Variants in FAN1 observed in about 807,000 individuals in gnomAD.
FAN1 encodes the protein FANCD2 and FANCI associated nuclease 1, also known as fanconi-associated nuclease 1.
FAN1 carries 91 observed loss-of-function variants against 104.9 expected under a neutral mutation model. That is an observed-to-expected ratio of 0.87 (90% confidence interval 0.73 to 1.03). FAN1 has a LOEUF of 1.03. Among genes scored for constraint, FAN1 ranks in the 50% least tolerant of loss-of-function variants. The probability of loss-of-function intolerance (pLI) is 0.00; values close to 1 mark genes in which losing one functional copy is unlikely to be tolerated. For synonymous variants in FAN1, 478 were observed against 457.6 expected (o/e 1.04, Z -0.57); for missense variants, 1,263 against 1,239.9 (o/e 1.02, Z -0.28).
chr15:30,940,666 C>T (rs2063015745), intron 14 of FAN1: 2 of 987,028 alleles, frequency 2.0e-6, no homozygotes, highest in African/African-American at 3.5e-5. Context: ...GAGGCCACTC[C>T]CCAGTGGCTT....
At chr15:30,908,086 G>A in intron 2 of FAN1, 32 bp from the exon 3 acceptor site, 2 of 1,573,808 alleles carry the variant, frequency 1.3e-6, no homozygotes, top group South Asian at 1.2e-5. Flanking sequence ...TAAATGCAGT[G>A]ATTTTCAACA....
At chr15:30,914,426 A>G (rs1239615382) in intron 5 of FAN1, among the ~76,000 whole-genome samples, 1 of 152,138 alleles carries the variant, frequency 6.6e-6, no homozygotes, top group Non-Finnish European at 1.5e-5. Context: ...GTGCGGTGGC[A>G]TGATCACCGC....
At chr15:30,927,361 G>A (rs2062490417) in intron 10 of FAN1, 1 of 985,526 alleles carries the variant, frequency 1.0e-6, no homozygotes, top group Admixed American at 6.1e-5. Context: ...AGGAAGAAAA[G>A]TCCTCCTGGA....
intron 8 of FAN1, 144 bp downstream of exon 8, chr15:30,922,498 C>A (rs1566922519): frequency 1.1e-6 from 1 of 886,332 alleles, no homozygotes; most frequent in Non-Finnish European, 1.7e-6. Context: ...TGTGTTCTTC[C>A]AACCCCAAAA....
At chr15:30,930,110 A>G (rs920468211) in intron 12 of FAN1, among the ~76,000 whole-genome samples, 1 of 150,364 alleles carries the variant, frequency 6.7e-6, no homozygotes, top group East Asian at 1.9e-4. Context: ...ATGGAAACAT[A>G]CTAGGGTGTT....
At chr15:30,911,173 A>C (rs1388613754) in intron 4 of FAN1, 2 of 1,019,186 alleles carry the variant, frequency 2.0e-6, no homozygotes, top group Non-Finnish European at 2.4e-6. Context: ...TAAACAAAGT[A>C]TAATCAGGCA....
Position 30,925,878 on chromosome 15 carries a change from G to A in FAN1, c.2427G>A (p.Thr809=), listed in dbSNP as rs147978882. Residue 809 remains threonine, a synonymous_variant, in exon 10 of 15, where the codon ACG becomes ACA. Coordinates refer to ENST00000362065, the MANE Select transcript of FAN1 (RefSeq NM_014967.5). ...MEAGEAADPT[T]VLCSVEELAL... ...CCGGGGAGGCCGCTGACCCCACCACGGTCCTGTGCTCTGTGGAGGAGCTGG... is the reference window on the plus strand; with the variant it reads ...CCGGGGAGGCCGCTGACCCCACCACAGTCCTGTGCTCTGTGGAGGAGCTGG... 929 of 1,614,188 alleles carry A rather than the reference G, an allele frequency of 5.8e-4. 4 individuals are homozygous for A. The African/African-American group carries it at 0.011, about 19-fold the overall frequency.
chr15:30,913,791 A>G, intron 4 of FAN1, 67 bp from the exon 5 acceptor site: 3 of 1,034,054 alleles, frequency 2.9e-6, no homozygotes, highest in Non-Finnish European at 1.4e-6. Context: ...GATGAAAATA[A>G]TTTGTAAAAT....
intron 12 of FAN1, among the ~76,000 whole-genome samples, chr15:30,929,896 AAT>A (rs1276696213): frequency 1.4e-5 from 1 of 73,106 alleles, no homozygotes; most frequent in African/African-American, 5.5e-5. Context: ...TATCATATAT[AAT>A]ATATAAAATA....
intron 8 of FAN1, among the ~76,000 whole-genome samples, chr15:30,923,821 C>T (rs1370457928): frequency 1.3e-5 from 2 of 152,204 alleles, no homozygotes; most frequent in Non-Finnish European, 1.5e-5. Flanking sequence ...TTTTCTTTCA[C>T]TTTTTATGTT....
Position 30,905,468 on chromosome 15 carries a change from T to A in FAN1, c.805T>A (p.Phe269Ile). Residue 269 changes from phenylalanine (F) to isoleucine (I), a missense_variant, in exon 2 of 15, where the codon TTC becomes ATC. Coordinates refer to ENST00000362065, the MANE Select transcript of FAN1 (RefSeq NM_014967.5). The stretch of plus-strand genomic sequence containing the variant: ...TGCGATCATGTTATTCTCACCAGAT[T>A]TCACTCTTAGGAATACATTAAAGTC... Reference protein sequence around the residue: ...DNAIMLFSPDFTLRNTLKSTS... With the variant: ...DNAIMLFSPDITLRNTLKSTS... 6.2e-7 allele frequency: 1 copy of A among 1,614,032 alleles called. No individual in the cohort carries two copies. Among genetic ancestry groups the A allele is most frequent in the Non-Finnish European group, 8.5e-7 (1 of 1,179,906 alleles).
chr15:30,929,342 G>T lies in FAN1; in HGVS notation c.2732G>T (p.Gly911Val), dbSNP rs976243281. The T allele has an allele frequency of 2.5e-6, 4 of 1,611,500 alleles. No homozygotes were observed. Among genetic ancestry groups the T allele is most frequent in the Non-Finnish European group, 3.4e-6 (4 of 1,178,952 alleles). ...GCAGCCACGTGGCATGAGCAGGAAG[G>T]CAGAGTGGCTTCCCTTGTCAGCTGG... Reference protein sequence around the residue: ...WVAATWHEQEGRVASLVSWDR... With the variant: ...WVAATWHEQEVRVASLVSWDR... The change falls in exon 12 of 15, where the codon GGC becomes GTC. Residue 911 changes from glycine to valine, a missense_variant. Coordinates refer to ENST00000362065, the MANE Select transcript of FAN1 (RefSeq NM_014967.5).
At chr15:30,923,826 T>C (rs971500354) in intron 8 of FAN1, among the ~76,000 whole-genome samples, 4 of 152,246 alleles carry the variant, frequency 2.6e-5, no homozygotes, top group Non-Finnish European at 4.4e-5. Flanking sequence ...TTTCACTTTT[T>C]ATGTTTCTAT....
chr15:30,937,336 T>C, intron 14 of FAN1, 77 bp downstream of exon 14: 1 of 1,356,566 alleles, frequency 7.4e-7, no homozygotes, highest in Non-Finnish European at 1.0e-6. Flanking sequence ...TTTAATTTTG[T>C]TATCGTGCAT....
At chr15:30,914,699 T>C (rs2140915295) in intron 5 of FAN1, among the ~76,000 whole-genome samples, 1 of 152,298 alleles carries the variant, frequency 6.6e-6, no homozygotes, top group South Asian at 2.1e-4. Context: ...ATTAACAAAC[T>C]TGACTTAGGA....
intron 13 of FAN1, among the ~76,000 whole-genome samples, chr15:30,936,866 T>C (rs2062869221): frequency 6.6e-6 from 1 of 152,044 alleles, no homozygotes; most frequent in South Asian, 2.1e-4. Context: ...TGGAGTATCA[T>C]ACTGGGAAAA....
chr15:30,920,118 G>C (rs1036817479), intron 6 of FAN1, among the ~76,000 whole-genome samples: 1 of 152,222 alleles, frequency 6.6e-6, no homozygotes, highest in Non-Finnish European at 1.5e-5. Flanking sequence ...GTATGCAAAT[G>C]AATGAGCCTG....
intron 14 of FAN1, among the ~76,000 whole-genome samples, chr15:30,937,828 G>C (rs1373099877): frequency 6.6e-6 from 1 of 151,850 alleles, no homozygotes; most frequent in Admixed American, 6.6e-5. Context: ...TATATGATTA[G>C]ATGTGCAAAA....
chr15:30,929,979 A>G (rs2062659798), intron 12 of FAN1, among the ~76,000 whole-genome samples: 1 of 128,492 alleles, frequency 7.8e-6, no homozygotes, highest in South Asian at 2.1e-4. Context: ...TAAAATATAT[A>G]ATATATAAGA....
Sources: gnomAD v4.1 joint callset for allele counts (sites outside exome capture counted in the v4.1 genomes callset) on GRCh38, gnomAD v4.1.1 for gene constraint, MANE v1.5 for transcripts, NCBI Gene and HGNC (gene_info 2026-07-23, HGNC 2026-07-21) for gene names.